Variants in REPS2 observed in about 807,000 individuals in gnomAD.
The protein encoded by REPS2 is ralBP1-associated Eps domain-containing protein 2.
Under a neutral mutation model 53.6 loss-of-function variants are expected in REPS2, and 23 were observed. The observed-to-expected ratio is 0.43, with a 90% CI of 0.31 to 0.61. REPS2 has a LOEUF of 0.61. Ranked by LOEUF, REPS2 falls within the 20% of genes least tolerant of loss-of-function variation. REPS2 has a pLI of 0.11. For missense variants in REPS2, 446 were observed against 534.9 expected (o/e 0.83, Z 1.64); for synonymous variants, 238 against 218.6 (o/e 1.09, Z -0.78).
chrX:16,968,783 G>A (rs1432776319), intron 1 of REPS2, among the ~76,000 whole-genome samples: 4 of 101,645 alleles, frequency 3.9e-5, no homozygotes, highest in African/African-American at 1.5e-4. Flanking sequence ...GGGCAGAGGC[G>A]CCCCTCACCT....
intron 14 of REPS2, among the ~76,000 whole-genome samples, chrX:17,117,278 T>A (rs1023631059): frequency 3.6e-5 from 4 of 111,947 alleles, no homozygotes; most frequent in East Asian, 2.8e-4. Context: ...ATTTTTATTT[T>A]TTATTATTAT....
At chrX:17,099,926 G>A (rs1259491553) in intron 13 of REPS2, 1 of 1,111,560 alleles carries the variant, frequency 9.0e-7, no homozygotes, top group Non-Finnish European at 1.2e-6. Context: ...TCAGGAACAT[G>A]AGCTCTCCAC....
intron 13 of REPS2, among the ~76,000 whole-genome samples, chrX:17,097,952 G>A (rs183525383): frequency 9.0e-6 from 1 of 111,215 alleles, no homozygotes; most frequent in Non-Finnish European, 1.9e-5. Context: ...GCTCTCCTGG[G>A]AAAATTTTTA....
Position 17,151,300 on chromosome X carries a change from C to A in REPS2, c.*3819C>A, listed in dbSNP as rs921974751. On this transcript the variant is annotated 3_prime_UTR_variant, in exon 18 of 18. Coordinates refer to ENST00000357277, the MANE Select transcript of REPS2 (RefSeq NM_004726.3). The stretch of plus-strand genomic sequence containing the variant: ...CTTTGATTTCCTACCACTGTCTGAG[C>A]TATCATAAAGCATTCTCTTTAGTTG... The A allele has an allele frequency of 1.7e-4, 19 of 112,479 alleles. No homozygotes were observed. Among genetic ancestry groups the A allele is most frequent in the African/African-American group, 6.1e-4 (19 of 30,961 alleles). The allele number at this position is 112,479 out of a possible 1,213,427, so 9.3% of individuals were successfully genotyped here.
intron 17 of REPS2, among the ~76,000 whole-genome samples, chrX:17,143,358 T>C (rs1223747438): frequency 1.8e-5 from 2 of 112,055 alleles, no homozygotes; most frequent in Non-Finnish European, 3.8e-5. Flanking sequence ...TGTGAACTTG[T>C]TTTGTTTTGC....
intron 7 of REPS2, 98 bp from the exon 8 acceptor site, chrX:17,054,710 C>T: frequency 1.1e-6 from 1 of 915,783 alleles, no homozygotes. Flanking sequence ...CTGGTAGGGC[C>T]ATCACCACAG....
At chrX:16,983,439 A>G (rs1400464187) in intron 1 of REPS2, among the ~76,000 whole-genome samples, 3 of 112,304 alleles carry the variant, frequency 2.7e-5, no homozygotes, top group Non-Finnish European at 3.8e-5. Context: ...GGCTCTTTGT[A>G]TGTGTTTTGA....
intron 13 of REPS2, among the ~76,000 whole-genome samples, chrX:17,085,364 C>T (rs1413849453): frequency 1.8e-5 from 2 of 111,716 alleles, no homozygotes; most frequent in African/African-American, 6.5e-5. Flanking sequence ...GAGTCCCTTG[C>T]ATTTCCACAT....
intron 1 of REPS2, among the ~76,000 whole-genome samples, chrX:16,950,775 G>C (rs1305373552): frequency 8.9e-6 from 1 of 112,929 alleles, no homozygotes; most frequent in Non-Finnish European, 1.9e-5. Context: ...TCAGCCTGGT[G>C]CTGTGGCGCA....
In REPS2 at chrX:17,047,446, C is replaced by A; in HGVS notation, c.871C>A (p.Arg291=). ...GCGCGAGTACTATGTCAATCAGTTC[C>A]GATCCCTTCAGCCAGACCCAAGCTC... ...EQREYYVNQF[R]SLQPDPSSFI... is the part of the protein sequence containing the mutation. The change falls in exon 6 of 18, where the codon CGA becomes AGA. Residue 291 remains arginine, a synonymous_variant. Coordinates refer to ENST00000357277, the MANE Select transcript of REPS2 (RefSeq NM_004726.3). 9.9e-6 allele frequency: 12 copies of A among 1,210,416 alleles called. No individual in the cohort carries two copies. The highest frequency in any genetic ancestry group is 1.2e-5 in the Non-Finnish European group (11 of 895,122).
chrX:16,993,750 C>T (rs987370617), intron 1 of REPS2, among the ~76,000 whole-genome samples: 1 of 112,150 alleles, frequency 8.9e-6, no homozygotes, highest in Non-Finnish European at 1.9e-5. Flanking sequence ...GTGTGTTATA[C>T]AGTAGTAGAT....
intron 1 of REPS2, among the ~76,000 whole-genome samples, chrX:16,951,473 G>A (rs746419475): frequency 9.9e-6 from 1 of 101,378 alleles, no homozygotes; most frequent in East Asian, 3.2e-4. Context: ...TTCTAGACTA[G>A]CCTGGGCAAG....
chrX:17,134,778 C>T (rs4828551), intron 15 of REPS2, among the ~76,000 whole-genome samples: 31,579 of 109,447 alleles, frequency 0.29, 3,678 homozygotes, highest in East Asian at 0.65. Context: ...CATCTTCCAG[C>T]AGGCCGGCTA....
chrX:17,155,177 G>A (rs1331017585), downstream of REPS2, among the ~76,000 whole-genome samples: 2 of 111,536 alleles, frequency 1.8e-5, no homozygotes, highest in Admixed American at 9.5e-5. Flanking sequence ...GTCCAAGGTC[G>A]AGGGGCCACA....
Position 17,068,491 on chromosome X carries a change from T to A in REPS2, c.1279+20T>A. ...AACAAGGTAGGAGAAGAATGAGTTTTCTTCTTTAACCAGCGTTCTACCTGT... is the reference window on the plus strand; with the variant it reads ...AACAAGGTAGGAGAAGAATGAGTTTACTTCTTTAACCAGCGTTCTACCTGT... On this transcript the variant is annotated intron_variant, in intron 10 of 17. Coordinates refer to ENST00000357277, the MANE Select transcript of REPS2 (RefSeq NM_004726.3). The A allele has an allele frequency of 8.6e-7, 1 of 1,159,937 alleles. No homozygotes were observed. The highest frequency in any genetic ancestry group is 1.2e-6 in the Non-Finnish European group (1 of 851,620).
At chrX:17,069,808 A>T in intron 10 of REPS2, 132 bp from the exon 11 acceptor site, 1 of 348,803 alleles carries the variant, frequency 2.9e-6, no homozygotes, top group Non-Finnish European at 4.9e-6. Flanking sequence ...GAGGTTTGTG[A>T]GACCTGTTTT....
intron 14 of REPS2, among the ~76,000 whole-genome samples, chrX:17,119,063 A>G (rs2063103590): frequency 8.9e-6 from 1 of 112,454 alleles, no homozygotes; most frequent in African/African-American, 3.2e-5. Context: ...ACAAATATTA[A>G]CTCATTTAAG....
At chrX:17,102,723 C>T (rs1216018685) in intron 13 of REPS2, among the ~76,000 whole-genome samples, 2 of 112,624 alleles carry the variant, frequency 1.8e-5, no homozygotes, top group East Asian at 2.8e-4. Flanking sequence ...TCTGATCCAG[C>T]TAGCTAAGGG....
the REPS2 span, among the ~76,000 whole-genome samples, chrX:17,187,203 C>T: frequency 8.9e-6 from 1 of 112,046 alleles, no homozygotes; most frequent in Admixed American, 9.4e-5. Context: ...AAATCCCCTC[C>T]CTGCTGGAAT....
Sources: gnomAD v4.1 joint callset for allele counts (sites outside exome capture counted in the v4.1 genomes callset) on GRCh38, gnomAD v4.1.1 for gene constraint, MANE v1.5 for transcripts, NCBI Gene and HGNC (gene_info 2026-07-23, HGNC 2026-07-21) for gene names.